The following TTLL6 variants were observed in gnomAD, a reference collection of about 807,000 sequenced individuals.
The protein encoded by TTLL6 is tubulin polyglutamylase TTLL6.
Under a neutral mutation model 96.4 loss-of-function variants are expected in TTLL6, and 75 were observed. The ratio of observed to expected loss-of-function variants is 0.78; its 90% CI spans 0.65 to 0.94. The LOEUF is 0.94. TTLL6 is among the 40% of genes least tolerant of loss of function. The probability of loss-of-function intolerance (pLI) is 0.00; values close to 1 mark genes in which losing one functional copy is unlikely to be tolerated. For synonymous variants in TTLL6, 411 were observed against 419.4 expected, an observed-to-expected ratio of 0.98 and a Z score of 0.24; for missense variants, 1,030 against 1,093.0, an observed-to-expected ratio of 0.94 and a Z score of 0.81.
intron 3 of TTLL6, among the ~76,000 whole-genome samples, chr17:48,803,190 G>A (rs2039453215): frequency 6.6e-6 from 1 of 151,714 alleles, no homozygotes; most frequent in South Asian, 2.1e-4. Flanking sequence ...ATAAATAAAT[G>A]CAATACAATA....
At chr17:48,804,743 C>G in intron 2 of TTLL6, 29 bp downstream of exon 2, 1 of 1,540,862 alleles carries the variant, frequency 6.5e-7, no homozygotes, top group Non-Finnish European at 8.8e-7. Context: ...ACCAACATGG[C>G]TCCCCATTCC....
At chr17:48,814,359 C>T (rs2039636374) in intron 1 of TTLL6, among the ~76,000 whole-genome samples, 1 of 145,178 alleles carries the variant, frequency 6.9e-6, no homozygotes, top group Non-Finnish European at 1.5e-5. Context: ...AGCTGTACTA[C>T]CAATGTAACA....
intron 7 of TTLL6, 25 bp downstream of exon 7, chr17:48,797,036 G>A (rs776918521): frequency 7.8e-6 from 12 of 1,545,904 alleles, no homozygotes; most frequent in Non-Finnish European, 1.0e-5. Flanking sequence ...GGGGTAGGGT[G>A]AGGTAGTGTG....
At chr17:48,791,033 C>G (rs2039210564) in intron 9 of TTLL6, among the ~76,000 whole-genome samples, 2 of 152,180 alleles carry the variant, frequency 1.3e-5, no homozygotes, top group African/African-American at 4.8e-5. Flanking sequence ...CCGCTCCTGT[C>G]TGATACTGAA....
At chr17:48,802,494 C>A (rs1381191559) in intron 3 of TTLL6, among the ~76,000 whole-genome samples, 1 of 152,188 alleles carries the variant, frequency 6.6e-6, no homozygotes, top group Non-Finnish European at 1.5e-5. Flanking sequence ...AACTCAAATG[C>A]CTTCAAGGGC....
chr17:48,779,931 T>C (rs1270743293), intron 13 of TTLL6, among the ~76,000 whole-genome samples: 1 of 152,054 alleles, frequency 6.6e-6, no homozygotes, highest in Non-Finnish European at 1.5e-5. Context: ...GGAGGAAGAT[T>C]GCCTGGGAAG....
chr17:48,784,162 G>A (rs540405980), intron 13 of TTLL6, among the ~76,000 whole-genome samples: 88 of 152,114 alleles, frequency 5.8e-4, no homozygotes, highest in Admixed American at 1.1e-3. Context: ...GGTGGCTCAC[G>A]TCTGTAATAC....
At chr17:48,763,406 T>C (rs1374337580) in intron 15 of TTLL6, among the ~76,000 whole-genome samples, 1 of 152,150 alleles carries the variant, frequency 6.6e-6, no homozygotes, top group Non-Finnish European at 1.5e-5. Context: ...CACAATATCA[T>C]CCTCATCAGC....
intron 13 of TTLL6, among the ~76,000 whole-genome samples, chr17:48,777,301 A>G (rs2038893437): frequency 6.6e-6 from 1 of 152,204 alleles, no homozygotes; most frequent in African/African-American, 2.4e-5. Context: ...CTTCTAGAAA[A>G]AACATAGGAG....
At chr17:48,774,710 A>G (rs935273973) in intron 13 of TTLL6, among the ~76,000 whole-genome samples, 3 of 152,196 alleles carry the variant, frequency 2.0e-5, no homozygotes, top group Non-Finnish European at 4.4e-5. Context: ...TCAAAATAAA[A>G]TAAGTTATTT....
intron 13 of TTLL6, among the ~76,000 whole-genome samples, chr17:48,771,172 G>C (rs1378969004): frequency 6.6e-6 from 1 of 152,136 alleles, no homozygotes; most frequent in South Asian, 2.1e-4. Flanking sequence ...GCAGTTTGGC[G>C]TGACTGATAA....
intron 7 of TTLL6, among the ~76,000 whole-genome samples, chr17:48,796,711 G>A (rs1411048186): frequency 6.6e-6 from 1 of 152,014 alleles, no homozygotes; most frequent in East Asian, 1.9e-4. Flanking sequence ...CAGGAAAGGT[G>A]GGGATGGCAG....
At chr17:48,805,043 ACCCCC>A in intron 1 of TTLL6, 52 bp from the exon 2 acceptor site, 2 of 1,410,886 alleles carry the variant, frequency 1.4e-6, no homozygotes, top group Non-Finnish European at 2.0e-6. Context: ...CTGCAGGGGG[ACCCCC>A]TCCCTCGCTC....
chr17:48,773,531 G>A (rs888972676), intron 13 of TTLL6, among the ~76,000 whole-genome samples: 3 of 152,012 alleles, frequency 2.0e-5, no homozygotes, highest in African/African-American at 7.3e-5. Context: ...AGACCAGCCC[G>A]GCCAACATGG....
chr17:48,768,972 AAT>A lies in TTLL6; in HGVS notation c.*15_*16del, dbSNP rs757032137. 28 of 1,610,090 alleles carry A rather than the reference AAT, an allele frequency of 1.7e-5. No individual in the cohort carries two copies. In the South Asian group the frequency reaches 3.0e-4, roughly 17 times the overall value. On this transcript the variant is annotated intron_variant, in intron 15 of 15. Coordinates refer to ENST00000393382, the MANE Select transcript of TTLL6 (RefSeq NM_001130918.3). ...GCCAACGCACCAAATTCATTAAGGG[AAT>A]ATGTGTGGGCCTACCTAGCTCCTCT... is the stretch of plus-strand genomic sequence containing the variant.
At position 48,804,050 on chromosome 17, in the gene TTLL6, C is replaced by A; in HGVS notation, c.324-122G>T. On this transcript the variant is annotated intron_variant, in intron 2 of 15. Coordinates refer to ENST00000393382, the MANE Select transcript of TTLL6 (RefSeq NM_001130918.3). Reference sequence around the variant, plus strand: ...CTGAAATCTAGCCTGCCATGCTAAGCCTGGTTTGACCGTCCCTGTTGCTGA... The same window carrying A: ...CTGAAATCTAGCCTGCCATGCTAAGACTGGTTTGACCGTCCCTGTTGCTGA... The A allele has an allele frequency of 3.6e-6, 4 of 1,126,394 alleles. No homozygotes were observed. The South Asian group carries it at 5.5e-5, about 15-fold the overall frequency. The allele number at this position is 1,126,394 out of a possible 1,614,324, so 69.8% of individuals were successfully genotyped here. A position where few individuals can be genotyped will look rare whatever the true frequency, so the allele number is the denominator to read the frequency against.
chr17:48,789,120 A>G (rs752401734), intron 10 of TTLL6, among the ~76,000 whole-genome samples: 6 of 151,154 alleles, frequency 4.0e-5, no homozygotes, highest in Non-Finnish European at 8.9e-5. Context: ...TTATAGTAAA[A>G]AAAAAAAAAA....
In TTLL6 at chr17:48,796,060, C is replaced by T; in HGVS notation, c.998+1G>A. The T allele has an allele frequency of 6.4e-7, 1 of 1,550,868 alleles. No homozygotes were observed. The highest frequency in any genetic ancestry group is 8.7e-7 in the Non-Finnish European group (1 of 1,146,398). The stretch of plus-strand genomic sequence containing the variant: ...AAAGAAAAATGAAGCCTCTTCCTTA[C>T]CTCTTACTGCCAGAGTGTGCATCTC... On this transcript the variant is annotated splice_donor_variant, in intron 8 of 15. Coordinates refer to ENST00000393382, the MANE Select transcript of TTLL6 (RefSeq NM_001130918.3). LOFTEE classifies it high-confidence loss of function.
intron 1 of TTLL6, among the ~76,000 whole-genome samples, chr17:48,813,447 T>C (rs989808730): frequency 1.3e-5 from 2 of 152,062 alleles, no homozygotes; most frequent in African/African-American, 4.8e-5. Flanking sequence ...TAGTCCCAGC[T>C]ACTCAGGAGG....
Sources: gnomAD v4.1 joint callset for allele counts (sites outside exome capture counted in the v4.1 genomes callset) on GRCh38, gnomAD v4.1.1 for gene constraint, MANE v1.5 for transcripts, NCBI Gene and HGNC (gene_info 2026-07-23, HGNC 2026-07-21) for gene names.